TTLL2: variants seen among roughly 807,000 people sequenced by gnomAD.
TTLL2 encodes the protein probable tubulin polyglutamylase TTLL2.
In TTLL2, 10 loss-of-function variants were observed where a neutral mutation model predicts 7.5. The ratio of observed to expected loss-of-function variants is 1.33; its 90% CI spans 0.82 to 2.25. The LOEUF is 2.25. Ranked by LOEUF, TTLL2 falls within the 30% of genes most tolerant of loss-of-function variation. TTLL2 has a pLI of 0.00. For missense variants in TTLL2, 733 were observed against 735.7 expected (o/e 1.00, Z 0.04); for synonymous variants, 284 against 280.3 (o/e 1.01, Z -0.13).
chr6:167,331,124 A>G (rs1312520976), intron 1 of TTLL2, among the ~76,000 whole-genome samples: 4 of 152,144 alleles, frequency 2.6e-5, no homozygotes, highest in Non-Finnish European at 5.9e-5. Context: ...ATTTTATTTT[A>G]TTAACTGAAA....
At chr6:167,329,604 A>G (rs1438734988) in intron 1 of TTLL2, among the ~76,000 whole-genome samples, 1 of 152,196 alleles carries the variant, frequency 6.6e-6, no homozygotes. Flanking sequence ...GTACATTTGT[A>G]TCATATTACA....
At chr6:167,328,921 C>T (rs1162254153) in intron 1 of TTLL2, among the ~76,000 whole-genome samples, 2 of 152,132 alleles carry the variant, frequency 1.3e-5, no homozygotes, top group African/African-American at 4.8e-5. Context: ...AATGTGCACT[C>T]CCTTCCTGAA....
intron 1 of TTLL2, among the ~76,000 whole-genome samples, chr6:167,325,761 C>A (rs1178196686): frequency 6.6e-6 from 1 of 151,976 alleles, no homozygotes; most frequent in Non-Finnish European, 1.5e-5. Flanking sequence ...AAAAGAAAAT[C>A]CCCCCAGTGT....
Position 167,340,429 on chromosome 6 carries a change from T to C in TTLL2, c.529T>C (p.Phe177Leu). 3 of 1,614,202 alleles carry C rather than the reference T, an allele frequency of 1.9e-6. No homozygotes were observed. The highest frequency in any genetic ancestry group is 2.5e-6 in the Non-Finnish European group (3 of 1,180,036). The change falls in exon 3 of 3, where the codon TTC becomes CTC. Residue 177 changes from phenylalanine to leucine, a missense_variant. Coordinates refer to ENST00000239587, the MANE Select transcript of TTLL2 (RefSeq NM_031949.5). ...RRMYGTSLYQ[F>L]IPLTFVMPND... The stretch of plus-strand genomic sequence containing the variant: ...GATGTATGGCACTTCCCTGTACCAG[T>C]TCATCCCCCTGACGTTCGTCATGCC...
Position 167,341,034 on chromosome 6 carries a change from C to T in TTLL2, c.1134C>T (p.Asp378=), listed in dbSNP as rs1271987707. The T allele has an allele frequency of 1.9e-6, 3 of 1,613,922 alleles. No individual in the cohort carries two copies. Among genetic ancestry groups the T allele is most frequent in the East Asian group, 2.2e-5 (1 of 44,872 alleles). Residue 378 remains aspartate (D), a synonymous_variant, in exon 3 of 3, where the codon GAC becomes GAT. Transcript: ENST00000239587. ...TTGGGTTTGATATTTTGATTGATGACAACTTGAAACCATGGCTTTTAGAGG... is the reference window on the plus strand; with the variant it reads ...TTGGGTTTGATATTTTGATTGATGATAACTTGAAACCATGGCTTTTAGAGG... The part of the protein sequence containing the change: ...ELFGFDILID[D]NLKPWLLEVN...
chr6:167,331,365 G>A (rs1439269888), intron 1 of TTLL2, among the ~76,000 whole-genome samples: 1 of 152,108 alleles, frequency 6.6e-6, no homozygotes, highest in Non-Finnish European at 1.5e-5. Flanking sequence ...CCTCCTGTGT[G>A]GATGTGACTT....
At chr6:167,328,285 G>A (rs1370437356) in intron 1 of TTLL2, 3 of 349,206 alleles carry the variant, frequency 8.6e-6, no homozygotes, top group Non-Finnish European at 1.7e-5. Context: ...CAAATCAGTG[G>A]GCCCTCATCT....
In TTLL2 at chr6:167,336,776, AC is replaced by A. The variant is rs553872286; in HGVS notation, c.48-1867del. On this transcript the variant is annotated intron_variant, in intron 1 of 2. Transcript: ENST00000239587. ...TTCCAAACAGGCAGTCTCTACCCCAACCCCACAGGCAAACTCCACCACTACA... is the reference window on the plus strand; with the variant it reads ...TTCCAAACAGGCAGTCTCTACCCCAACCCACAGGCAAACTCCACCACTACA... 6.6e-5 allele frequency among the ~76,000 whole-genome samples: 10 copies of A among 152,212 alleles called. No individual in the cohort carries two copies. In the South Asian group the frequency reaches 2.1e-3, roughly 32 times the overall value.
intron 1 of TTLL2, among the ~76,000 whole-genome samples, chr6:167,335,952 C>T (rs1040367515): frequency 6.8e-6 from 1 of 146,620 alleles, no homozygotes; most frequent in African/African-American, 2.6e-5. Context: ...GCACATGTAC[C>T]CTAAAACTTA....
At position 167,339,296 on chromosome 6, in the gene TTLL2, T is replaced by G. The variant is rs1443724045; in HGVS notation, c.204+493T>G. On this transcript the variant is annotated intron_variant, in intron 2 of 2. Transcript: ENST00000239587. Reference sequence around the variant, plus strand: ...GACATATGTACATTTTTATCAAGAGTCTTTGACGTTTTTTACCTTTTCTCT... The same window carrying G: ...GACATATGTACATTTTTATCAAGAGGCTTTGACGTTTTTTACCTTTTCTCT... Among the ~76,000 whole-genome samples, 5 of 152,072 alleles carry G rather than the reference T, an allele frequency of 3.3e-5. No homozygotes were observed. In the South Asian group the frequency reaches 8.3e-4, roughly 25 times the overall value.
intron 1 of TTLL2, among the ~76,000 whole-genome samples, chr6:167,325,484 A>G (rs931809814): frequency 4.6e-5 from 7 of 152,210 alleles, no homozygotes; most frequent in Admixed American, 1.3e-4. Context: ...TGCCAGTTAT[A>G]TAAGAGTGAA....
intron 1 of TTLL2, among the ~76,000 whole-genome samples, chr6:167,336,814 G>A (rs1012085569): frequency 2.0e-4 from 31 of 152,222 alleles, no homozygotes; most frequent in African/African-American, 5.8e-4. Flanking sequence ...CTAGGGTGAC[G>A]GAACATCCTC....
chr6:167,341,556 A>G lies in TTLL2; in HGVS notation c.1656A>G (p.Gln552=). ...ACCGTGGCAAAGCTCCAGATCCCCA[A>G]GCAGGCAACTTTGTTCTTGTTTTTC... The part of the protein sequence containing the change: ...LSDRGKAPDP[Q]AGNFVLVFPF... Residue 552 remains glutamine, a synonymous_variant, in exon 3 of 3, where the codon CAA becomes CAG. Coordinates refer to ENST00000239587, the MANE Select transcript of TTLL2 (RefSeq NM_031949.5). 2 of 1,614,204 alleles carry G rather than the reference A, an allele frequency of 1.2e-6. No homozygotes were observed. Among genetic ancestry groups the G allele is most frequent in the Non-Finnish European group, 1.7e-6 (2 of 1,180,044 alleles).
chr6:167,327,211 G>A (rs1380056972), intron 1 of TTLL2, among the ~76,000 whole-genome samples: 2 of 152,162 alleles, frequency 1.3e-5, no homozygotes, highest in South Asian at 2.1e-4. Flanking sequence ...AATAAACATA[G>A]GACAGAGGAT....
intron 1 of TTLL2, among the ~76,000 whole-genome samples, chr6:167,334,139 T>G (rs1357920475): frequency 7.0e-6 from 1 of 142,726 alleles, no homozygotes; most frequent in Non-Finnish European, 1.5e-5. Flanking sequence ...TCTGGTATGT[T>G]GTGTCTTTGT....
chr6:167,342,438 G>A lies in TTLL2; in HGVS notation c.*759G>A, dbSNP rs1722599452. On this transcript the variant is annotated 3_prime_UTR_variant, in exon 3 of 3. Coordinates refer to ENST00000239587, the MANE Select transcript of TTLL2 (RefSeq NM_031949.5). The stretch of plus-strand genomic sequence containing the variant: ...TAGTGAAAGTAGTCAGATACAAAAG[G>A]CCACATGTTGTATGACTCCGTTGAT... 6.6e-6 allele frequency among the ~76,000 whole-genome samples: 1 copy of A among 152,166 alleles called. No individual in the cohort carries two copies. Among genetic ancestry groups the A allele is most frequent in the African/African-American group, 2.4e-5 (1 of 41,410 alleles).
intron 1 of TTLL2, among the ~76,000 whole-genome samples, chr6:167,327,089 T>C (rs1004860984): frequency 6.6e-6 from 1 of 152,214 alleles, no homozygotes; most frequent in Non-Finnish European, 1.5e-5. Flanking sequence ...TTGCAACTTT[T>C]TGAATCTTTG....
chr6:167,341,400 A>T lies in TTLL2; in HGVS notation c.1500A>T (p.Ser500=). The change falls in exon 3 of 3, where the codon TCA becomes TCT. Residue 500 remains serine, a synonymous_variant. Transcript: ENST00000239587. The part of the protein sequence containing the change: ...GEMSGQDFHL[S]TREMPQSKPK... ...TGAGTGGGCAGGATTTTCATCTGTC[A>T]ACAAGGGAGATGCCACAAAGCAAGC... is the stretch of plus-strand genomic sequence containing the variant. 1 of 1,613,940 alleles carries T rather than the reference A, an allele frequency of 6.2e-7. No individual in the cohort carries two copies. Among genetic ancestry groups the T allele is most frequent in the Non-Finnish European group, 8.5e-7 (1 of 1,180,024 alleles).
chr6:167,336,974 C>T (rs1778991295), intron 1 of TTLL2, among the ~76,000 whole-genome samples: 1 of 152,186 alleles, frequency 6.6e-6, no homozygotes, highest in South Asian at 2.1e-4. Flanking sequence ...AATCAGGCCA[C>T]ACCATGACCC....
Sources: gnomAD v4.1 joint callset for allele counts (sites outside exome capture counted in the v4.1 genomes callset) on GRCh38, gnomAD v4.1.1 for gene constraint, MANE v1.5 for transcripts, NCBI Gene and HGNC (gene_info 2026-07-23, HGNC 2026-07-21) for gene names.